Variants in SEC23B observed in about 807,000 individuals in gnomAD.
The protein encoded by SEC23B is SEC23 homolog B, COPII component, also known as protein transport protein Sec23B.
A neutral mutation model predicts 104.3 loss-of-function variants in SEC23B; 77 were observed. That is an observed-to-expected ratio of 0.74 (90% CI 0.61 to 0.89). The LOEUF is 0.89. SEC23B is among the 40% of genes least tolerant of loss of function. The probability of loss-of-function intolerance (pLI) is 0.00; values close to 1 mark genes in which losing one functional copy is unlikely to be tolerated. For missense variants in SEC23B, 885 were observed against 949.4 expected (o/e 0.93, Z 0.89); for synonymous variants, 338 against 332.5 (o/e 1.02, Z -0.18).
At position 18,546,032 on chromosome 20, in the gene SEC23B, A is replaced by G; in HGVS notation, c.1742A>G (p.Gln581Arg). 6.8e-7 allele frequency: 1 copy of G among 1,470,780 alleles called. No homozygotes were observed. Among genetic ancestry groups the G allele is most frequent in the South Asian group, 1.1e-5 (1 of 88,148 alleles). The allele number at this position is 1,470,780 out of a possible 1,614,324, so 91.1% of individuals were successfully genotyped here. ...RLSDSFSLYP[Q>R]FMFHLRRSPF... is the part of the protein sequence containing the mutation. ...TCAGATTCCTTTTCTCTATATCCTC[A>G]GGTAAGTAATGTATGTTTCTAAAAT... Residue 581 changes from glutamine (Q) to arginine (R), a missense_variant and splice_region_variant, in exon 15 of 20, where the codon CAG becomes CGG. Gln to Arg is a conservative substitution (Grantham distance 43, BLOSUM62 1). Coordinates refer to ENST00000650089, the MANE Select transcript of SEC23B (RefSeq NM_006363.6).
chr20:18,549,721 C>T (rs1243775492), intron 16 of SEC23B, among the ~76,000 whole-genome samples: 2 of 152,260 alleles, frequency 1.3e-5, no homozygotes, highest in Middle Eastern at 3.4e-3. Flanking sequence ...GTACCACTTA[C>T]TTTTATTATT....
In SEC23B at chr20:18,542,356, C is replaced by T; in HGVS notation, c.1465C>T (p.His489Tyr). 1 of 1,614,228 alleles carries T rather than the reference C, an allele frequency of 6.2e-7. No homozygotes were observed. The highest frequency in any genetic ancestry group is 2.2e-5 in the East Asian group (1 of 44,888). ...CATCCAGTTTGTCACGCATTATCAG[C>T]ACTCCAGCACCCAGAGACGCATCCG... ...GAIQFVTHYQ[H>Y]SSTQRRIRVT... is the part of the protein sequence containing the mutation. The change falls in exon 13 of 20, where the codon CAC becomes TAC. Residue 489 changes from histidine (H) to tyrosine (Y), a missense_variant. By Grantham distance (83) the His-to-Tyr change is moderately conservative. Transcript: ENST00000650089.
At position 18,554,351 on chromosome 20, in the gene SEC23B, G is replaced by A. The variant is rs760254574; in HGVS notation, c.2109G>A (p.Pro703=). 10 of 1,614,156 alleles carry A rather than the reference G, an allele frequency of 6.2e-6. No homozygotes were observed. In the South Asian group the frequency reaches 6.6e-5, roughly 11 times the overall value. ...DAQEILQARF[P]MPRYINTEHG... ...AAGAAATTCTGCAAGCACGCTTCCC[G>A]ATGCCACGTTACATCAACACGGAGC... Residue 703 remains proline (P), a synonymous_variant, in exon 18 of 20, where the codon CCG becomes CCA. Coordinates refer to ENST00000650089, the MANE Select transcript of SEC23B (RefSeq NM_006363.6).
At chr20:18,559,081 G>GC (rs1365335295) in intron 19 of SEC23B, among the ~76,000 whole-genome samples, 9 of 81,644 alleles carry the variant, frequency 1.1e-4, no homozygotes, top group Admixed American at 6.4e-4. Context: ...GGTGGTTGGT[G>GC]GGGGGGGTGT....
chr20:18,546,903 GTTTTTTTTTT>G (rs58809009), intron 15 of SEC23B, among the ~76,000 whole-genome samples: 1 of 115,516 alleles, frequency 8.7e-6, no homozygotes, highest in African/African-American at 3.4e-5. Flanking sequence ...GTGGTTTGCA[GTTTTTTTTTT>G]TTTTTTTTTT....
Position 18,515,720 on chromosome 20 carries a change from T to C in SEC23B, c.350T>C (p.Ile117Thr), listed in dbSNP as rs776548475. ...PAELMPQFSTIEYVIQRGAQS... is the reference protein window; with the variant it reads ...PAELMPQFSTTEYVIQRGAQS... ...GAATTGATGCCCCAGTTTTCTACAA[T>C]TGAGTACGTGATACAGGTAATTTCT... The change falls in exon 4 of 20, where the codon ATT becomes ACT. Residue 117 changes from isoleucine (I) to threonine (T), a missense_variant. Coordinates refer to ENST00000650089, the MANE Select transcript of SEC23B (RefSeq NM_006363.6). The C allele has an allele frequency of 1.3e-6, 2 of 1,597,054 alleles. No individual in the cohort carries two copies. The highest frequency in any genetic ancestry group is 2.2e-5 in the South Asian group (2 of 90,718).
chr20:18,524,822 A>C lies in SEC23B; in HGVS notation c.604-113A>C, dbSNP rs1313273026. 5 of 1,263,462 alleles carry C rather than the reference A, an allele frequency of 4.0e-6. No individual in the cohort carries two copies. In the East Asian group the frequency reaches 9.7e-5, roughly 24 times the overall value. The allele number at this position is 1,263,462 out of a possible 1,614,324, so 78.3% of individuals were successfully genotyped here. ...ATTGGCCCACCTCAGCCTCATGAGTAGGTGGGACTAGAGGCACATGCCACC... is the reference window on the plus strand; with the variant it reads ...ATTGGCCCACCTCAGCCTCATGAGTCGGTGGGACTAGAGGCACATGCCACC... On this transcript the variant is annotated intron_variant, in intron 5 of 19. Transcript: ENST00000650089.
chr20:18,545,892 A>T lies in SEC23B; in HGVS notation c.1666-64A>T. The T allele has an allele frequency of 4.2e-6, 4 of 960,424 alleles. No homozygotes were observed. In the Admixed American group the frequency reaches 5.1e-5, roughly 12 times the overall value. 59.5% of individuals were successfully genotyped at this position (960,424 alleles called of 1,614,324 possible). A position where few individuals can be genotyped will look rare whatever the true frequency, so the allele number is the denominator to read the frequency against. On this transcript the variant is annotated intron_variant, in intron 14 of 19. Transcript: ENST00000650089. ...TCCAGGAATATTTCCAGGTAATGCT[A>T]ACTTAGATTTTTCTCTCTCTTTTTG...
At chr20:18,537,131 A>C (rs1408938739) in intron 12 of SEC23B, among the ~76,000 whole-genome samples, 1 of 152,046 alleles carries the variant, frequency 6.6e-6, no homozygotes, top group Non-Finnish European at 1.5e-5. Context: ...GAACACTTTT[A>C]CACTGTTGGT....
chr20:18,526,342 A>G (rs370092950), intron 7 of SEC23B, 31 bp from the exon 8 acceptor site: 1 of 1,612,408 alleles, frequency 6.2e-7, no homozygotes, highest in African/African-American at 1.3e-5. Flanking sequence ...GAGGCTGTAT[A>G]CTTCTAACAT....
At chr20:18,517,676 G>T (rs1568600446) in intron 4 of SEC23B, among the ~76,000 whole-genome samples, 1 of 152,182 alleles carries the variant, frequency 6.6e-6, no homozygotes. Context: ...CTTCTAGCGG[G>T]ATTAGGGGCA....
chr20:18,513,305 G>A (rs1240708915), intron 3 of SEC23B, among the ~76,000 whole-genome samples: 3 of 151,374 alleles, frequency 2.0e-5, no homozygotes, highest in African/African-American at 4.9e-5. Flanking sequence ...CTGAGATTGC[G>A]CCACTGCACT....
Position 18,514,404 on chromosome 20 carries a change from G to C in SEC23B, c.280-1246G>C, listed in dbSNP as rs577950591. Among the ~76,000 whole-genome samples, 188 of 152,282 alleles carry C rather than the reference G, an allele frequency of 1.2e-3. 1 individual carries two copies. The highest frequency in any genetic ancestry group is 4.4e-3 in the African/African-American group (184 of 41,546). ...CAGTCATGGCCAGGATGGGGCTAGA[G>C]TCTTCTGCTGGCTCTGACTGAGATT... On this transcript the variant is annotated intron_variant, in intron 3 of 19. Transcript: ENST00000650089.
Position 18,554,971 on chromosome 20 carries a change from TC to T in SEC23B, c.2149-136del. ...ATAGATTACTGTGCAGTAAAACAAT[TC>T]TAATTAGATTACTGTGCAGTAAAAC... On this transcript the variant is annotated intron_variant, in intron 18 of 19. Coordinates refer to ENST00000650089, the MANE Select transcript of SEC23B (RefSeq NM_006363.6). 5.0e-4 allele frequency: 35 copies of T among 69,894 alleles called. 16 individuals carry two copies. Among genetic ancestry groups the T allele is most frequent in the South Asian group, 1.0e-3 (5 of 4,774 alleles). The allele number at this position is 69,894 out of a possible 1,614,324, so 4.3% of individuals were successfully genotyped here.
intron 10 of SEC23B, among the ~76,000 whole-genome samples, chr20:18,531,788 G>A (rs1163650091): frequency 6.6e-6 from 1 of 151,762 alleles, no homozygotes; most frequent in Non-Finnish European, 1.5e-5. Flanking sequence ...GGTGGCTCAT[G>A]TCTGTAATCC....
At chr20:18,514,712 A>C (rs370201643) in intron 3 of SEC23B, among the ~76,000 whole-genome samples, 9 of 152,220 alleles carry the variant, frequency 5.9e-5, no homozygotes, top group South Asian at 2.1e-4. Context: ...GACTGGAAAA[A>C]ACAAGTTCCA....
At chr20:18,546,903 GTTTTTT>G (rs58809009) in intron 15 of SEC23B, among the ~76,000 whole-genome samples, 10 of 115,486 alleles carry the variant, frequency 8.7e-5, no homozygotes, top group East Asian at 5.6e-4. Flanking sequence ...GTGGTTTGCA[GTTTTTT>G]TTTTTTTTTT....
At chr20:18,557,745 CTT>C (rs11477198) in intron 19 of SEC23B, among the ~76,000 whole-genome samples, 118 of 116,816 alleles carry the variant, frequency 1.0e-3, no homozygotes, top group Non-Finnish European at 1.6e-3. Context: ...TTTTTCTTTT[CTT>C]TTTTTTTTTT....
Position 18,555,185 on chromosome 20 carries a change from TCA to T in SEC23B, c.2214+13_2214+14del, listed in dbSNP as rs1404856277. 33 of 1,607,380 alleles carry T rather than the reference TCA, an allele frequency of 2.1e-5. No individual in the cohort carries two copies. Among genetic ancestry groups the T allele is most frequent in the Non-Finnish European group, 2.7e-5 (32 of 1,174,130 alleles). On this transcript the variant is annotated intron_variant, in intron 19 of 19. Transcript: ENST00000650089. ...ATGCTTGGGGACAGGTAAGAAATCT[TCA>T]GGTATTTGGGGAGGATGCTAAGCTA... is the stretch of plus-strand genomic sequence containing the variant.
Sources: allele counts gnomAD v4.1 joint callset (sites outside exome capture counted in the v4.1 genomes callset), GRCh38; gene constraint gnomAD v4.1.1; transcripts MANE v1.5; gene names NCBI Gene and HGNC (gene_info 2026-07-23, HGNC 2026-07-21).